Variants in STK3 observed in about 807,000 individuals in gnomAD.
STK3 encodes the protein serine/threonine kinase 3.
In STK3, 41 loss-of-function variants were observed where a neutral mutation model predicts 58.0. That is an observed-to-expected ratio of 0.71 (90% CI 0.55 to 0.92). The LOEUF (loss-of-function observed/expected upper bound fraction) is 0.92. Among genes scored for constraint, STK3 ranks in the 40% least tolerant of loss-of-function variants. STK3 has a pLI of 0.00. For missense variants in STK3, 479 were observed against 602.7 expected (o/e 0.79, Z 2.15); for synonymous variants, 170 against 191.0 (o/e 0.89, Z 0.91).
chr8:98,580,596 C>G (rs748912091), intron 7 of STK3, among the ~76,000 whole-genome samples: 1 of 152,140 alleles, frequency 6.6e-6, no homozygotes, highest in Non-Finnish European at 1.5e-5. Flanking sequence ...AGTGACCTGA[C>G]TGAGTGAGTG....
intron 1 of STK3, among the ~76,000 whole-genome samples, chr8:98,908,340 A>G (rs1838992444): frequency 6.6e-6 from 1 of 152,272 alleles, no homozygotes; most frequent in Admixed American, 6.5e-5. Context: ...TTTCAGAATA[A>G]TGGGTTGGTT....
chr8:98,480,389 A>G (rs531471038), intron 10 of STK3, among the ~76,000 whole-genome samples: 1 of 152,326 alleles, frequency 6.6e-6, no homozygotes, highest in South Asian at 2.1e-4. Flanking sequence ...ACAATATTTT[A>G]AACTTTCTGA....
At chr8:98,646,942 C>T (rs1389874616) in intron 6 of STK3, among the ~76,000 whole-genome samples, 1 of 152,140 alleles carries the variant, frequency 6.6e-6, no homozygotes, top group African/African-American at 2.4e-5. Context: ...AATCTGTTCT[C>T]AACAAAACCT....
intron 10 of STK3, among the ~76,000 whole-genome samples, chr8:98,505,705 C>T (rs1382554303): frequency 6.6e-6 from 1 of 152,186 alleles, no homozygotes; most frequent in Middle Eastern, 3.2e-3. Flanking sequence ...CTCTGTTTGC[C>T]TGGGTATCAC....
intron 1 of STK3, among the ~76,000 whole-genome samples, chr8:98,886,914 A>G (rs1243058680): frequency 1.3e-5 from 2 of 152,138 alleles, no homozygotes; most frequent in Non-Finnish European, 2.9e-5. Flanking sequence ...CCTGGCCAAC[A>G]TGGTGAAACC....
chr8:98,538,677 C>T (rs1183573801), intron 9 of STK3, among the ~76,000 whole-genome samples: 2 of 152,120 alleles, frequency 1.3e-5, no homozygotes, highest in East Asian at 3.8e-4. Flanking sequence ...CTTCCAAGGC[C>T]TGTACAGGAA....
At chr8:98,385,018 C>T (rs1466269199) in intron 1 of STK3, among the ~76,000 whole-genome samples, 1 of 152,152 alleles carries the variant, frequency 6.6e-6, no homozygotes, top group Non-Finnish European at 1.5e-5. Flanking sequence ...CCATCCATTG[C>T]TTCAAGGGAG....
chr8:98,579,578 C>G (rs1397162718), intron 8 of STK3, 86 bp downstream of exon 8: 1 of 1,447,098 alleles, frequency 6.9e-7, no homozygotes, highest in African/African-American at 1.4e-5. Flanking sequence ...TATAGTAAAA[C>G]AGTAAGTGCT....
intron 4 of STK3, among the ~76,000 whole-genome samples, chr8:98,739,983 G>T (rs1233985631): frequency 1.3e-5 from 2 of 152,152 alleles, no homozygotes; most frequent in African/African-American, 4.8e-5. Flanking sequence ...TCAACTGGAA[G>T]AAAGGGTATC....
At chr8:98,559,577 C>G (rs1030172404) in intron 8 of STK3, among the ~76,000 whole-genome samples, 1 of 152,132 alleles carries the variant, frequency 6.6e-6, no homozygotes. Context: ...CTACCAACTG[C>G]GGAAAGCACT....
downstream of STK3, among the ~76,000 whole-genome samples, chr8:98,368,608 T>C (rs1023519258): frequency 2.6e-5 from 4 of 152,148 alleles, no homozygotes; most frequent in Non-Finnish European, 5.9e-5. Flanking sequence ...ATCTAGGGAA[T>C]GGCAGCTGCA....
chr8:98,696,528 C>G (rs1181086164), intron 6 of STK3, among the ~76,000 whole-genome samples: 2 of 152,012 alleles, frequency 1.3e-5, no homozygotes, highest in Non-Finnish European at 2.9e-5. Flanking sequence ...TGAGATACGT[C>G]CCATCAATAC....
At chr8:98,581,174 GC>G (rs1813850986) in intron 7 of STK3, among the ~76,000 whole-genome samples, 1 of 152,140 alleles carries the variant, frequency 6.6e-6, no homozygotes, top group Admixed American at 6.5e-5. Context: ...CCACTTCCTG[GC>G]CTGGGCTATG....
At chr8:98,559,846 C>T (rs1811875831) in intron 8 of STK3, among the ~76,000 whole-genome samples, 1 of 151,878 alleles carries the variant, frequency 6.6e-6, no homozygotes, top group Non-Finnish European at 1.5e-5. Flanking sequence ...TGTTTTTTCC[C>T]TTATTTTTTA....
intron 6 of STK3, among the ~76,000 whole-genome samples, chr8:98,623,209 GGGAAGGAA>G (rs1222040227): frequency 2.0e-5 from 3 of 151,692 alleles, no homozygotes; most frequent in Admixed American, 2.0e-4. Flanking sequence ...AAAAAATAAA[GGGAAGGAA>G]GAAAGGAAGA....
At chr8:98,380,572 T>A (rs1817721724) in intron 1 of STK3, among the ~76,000 whole-genome samples, 1 of 152,234 alleles carries the variant, frequency 6.6e-6, no homozygotes, top group Non-Finnish European at 1.5e-5. Context: ...CTGCACATTT[T>A]AAAAACTTTG....
chr8:98,586,484 C>T (rs1295090688), intron 7 of STK3, among the ~76,000 whole-genome samples: 1 of 148,366 alleles, frequency 6.7e-6, no homozygotes, highest in Non-Finnish European at 1.5e-5. Flanking sequence ...TGATGTGCTG[C>T]TGGATTCGGT....
chr8:98,838,176 G>C (rs1212079311), intron 3 of STK3, among the ~76,000 whole-genome samples: 1 of 151,678 alleles, frequency 6.6e-6, no homozygotes, highest in Non-Finnish European at 1.5e-5. Context: ...CCTAGAGGCA[G>C]AGGTTGCAGT....
At chr8:98,815,430 T>C (rs572692748) in intron 1 of STK3, among the ~76,000 whole-genome samples, 5 of 152,240 alleles carry the variant, frequency 3.3e-5, no homozygotes, top group Non-Finnish European at 7.3e-5. Flanking sequence ...CATTTCTTAC[T>C]AAGAGAAACC....
Sources: gnomAD v4.1 joint callset for allele counts (sites outside exome capture counted in the v4.1 genomes callset) on GRCh38, gnomAD v4.1.1 for gene constraint, MANE v1.5 for transcripts, NCBI Gene and HGNC (gene_info 2026-07-23, HGNC 2026-07-21) for gene names.